TENM1: variants seen among roughly 807,000 people sequenced by gnomAD.
TENM1 encodes teneurin transmembrane protein 1, also known as teneurin-1.
A neutral mutation model predicts 174.8 loss-of-function variants in TENM1; 35 were observed. The ratio of observed to expected loss-of-function variants is 0.20; its 90% confidence interval spans 0.15 to 0.27. The LOEUF (loss-of-function observed/expected upper bound fraction) is 0.27, where lower values mean the gene tolerates loss of function less well. TENM1 is among the 10% of genes least tolerant of loss of function. The pLI is 1.00. For missense variants in TENM1, 1,633 were observed against 2,130.1 expected (o/e 0.77, Z 4.59); for synonymous variants, 781 against 798.7 (o/e 0.98, Z 0.37).
chrX:124,713,345 T>G (rs1389738637), intron 4 of TENM1, among the ~76,000 whole-genome samples: 1 of 110,669 alleles, frequency 9.0e-6, no homozygotes, highest in African/African-American at 3.3e-5. Context: ...CTCGGCTCAC[T>G]GCAACCTCCG....
At chrX:124,902,376 CAG>C (rs763395495) in intron 1 of TENM1, among the ~76,000 whole-genome samples, 63 of 112,113 alleles carry the variant, frequency 5.6e-4, no homozygotes, top group African/African-American at 2.0e-3. Context: ...GATAGAGAAA[CAG>C]AGAATCTACA....
intron 22 of TENM1, among the ~76,000 whole-genome samples, chrX:124,477,142 T>A (rs756204539): frequency 9.0e-6 from 1 of 110,790 alleles, no homozygotes; most frequent in South Asian, 3.7e-4. Flanking sequence ...TCAAGAAATT[T>A]AATAAAATGA....
At chrX:124,714,190 T>C (rs1303564077) in intron 4 of TENM1, among the ~76,000 whole-genome samples, 1 of 111,409 alleles carries the variant, frequency 9.0e-6, no homozygotes, top group Non-Finnish European at 1.9e-5. Flanking sequence ...GGTCAGATAA[T>C]AGGATTAGAT....
At chrX:124,381,970 A>G (rs1045658791) in intron 31 of TENM1, among the ~76,000 whole-genome samples, 3 of 111,565 alleles carry the variant, frequency 2.7e-5, no homozygotes, top group African/African-American at 9.8e-5. Context: ...TATAGGACCT[A>G]TCTAGAACTT....
At chrX:124,511,389 A>G (rs1179939833) in intron 18 of TENM1, among the ~76,000 whole-genome samples, 1 of 111,790 alleles carries the variant, frequency 8.9e-6, no homozygotes, top group Middle Eastern at 4.2e-3. Context: ...ATGAAAGATT[A>G]TTATCTCTGC....
the TENM1 span, among the ~76,000 whole-genome samples, chrX:125,067,851 T>C: frequency 1.8e-5 from 2 of 112,203 alleles, no homozygotes; most frequent in Non-Finnish European, 1.9e-5. Context: ...CCTTCTTTTT[T>C]TGAGAGAATA....
chrX:124,502,912 T>C (rs1316828014), intron 19 of TENM1, among the ~76,000 whole-genome samples: 3 of 111,702 alleles, frequency 2.7e-5, no homozygotes, highest in Non-Finnish European at 5.6e-5. Flanking sequence ...GGTGTGATTA[T>C]AAAATGGATC....
intron 23 of TENM1, among the ~76,000 whole-genome samples, chrX:124,452,024 G>A (rs2061043572): frequency 8.9e-6 from 1 of 112,040 alleles, no homozygotes; most frequent in Non-Finnish European, 1.9e-5. Context: ...TGACAAATGG[G>A]ATCTAATTAA....
At position 124,548,017 on chromosome X, in the gene TENM1, T is replaced by C. The variant is rs923356859; in HGVS notation, c.2435-927A>G. On this transcript the variant is annotated intron_variant, in intron 14 of 31. Coordinates refer to ENST00000422452, the Ensembl canonical transcript of TENM1. The stretch of plus-strand genomic sequence containing the variant: ...ACACCCGGCTAATTTTTTGTATTTT[T>C]AGTAGAGACGGGGTTTCACCGTGTT... Among the ~76,000 whole-genome samples, 3 of 111,219 alleles carry C rather than the reference T, an allele frequency of 2.7e-5. 1 individual carries two copies. In the Admixed American group the frequency reaches 2.8e-4, roughly 11 times the overall value.
chrX:125,152,724 G>A, the TENM1 span, among the ~76,000 whole-genome samples: 1,705 of 112,370 alleles, frequency 0.015, 12 homozygotes, highest in Non-Finnish European at 0.024. Context: ...TGATGTTATT[G>A]AAGAGGGCAA....
intron 3 of TENM1, among the ~76,000 whole-genome samples, chrX:124,811,660 T>C (rs1179372254): frequency 1.8e-5 from 2 of 111,475 alleles, no homozygotes; most frequent in Non-Finnish European, 3.8e-5. Context: ...AATCCCACTA[T>C]GGGGTATATA....
chrX:124,966,477 A>T (rs1166971562), upstream of TENM1, among the ~76,000 whole-genome samples: 2 of 109,904 alleles, frequency 1.8e-5, no homozygotes, highest in African/African-American at 6.7e-5. Context: ...CCTGGCTAAC[A>T]CGGTGAAACC....
At chrX:124,959,984 C>T (rs1185859939) in intron 1 of TENM1, among the ~76,000 whole-genome samples, 35 of 111,982 alleles carry the variant, frequency 3.1e-4, no homozygotes, top group Non-Finnish European at 1.7e-4. Context: ...TTTCCAGTTG[C>T]AATCAATCTT....
intron 6 of TENM1, among the ~76,000 whole-genome samples, chrX:124,670,162 T>G (rs1459303620): frequency 1.8e-5 from 2 of 111,943 alleles, no homozygotes; most frequent in Non-Finnish European, 3.8e-5. Context: ...TCAACTTACT[T>G]TATGGAAAGG....
intron 11 of TENM1, among the ~76,000 whole-genome samples, chrX:124,578,959 C>G (rs1314648255): frequency 8.9e-6 from 1 of 112,251 alleles, no homozygotes; most frequent in Non-Finnish European, 1.9e-5. Flanking sequence ...TGTCCATCTT[C>G]TTTCACCAAT....
intron 15 of TENM1, among the ~76,000 whole-genome samples, chrX:124,538,995 C>A (rs905672253): frequency 9.0e-6 from 1 of 111,633 alleles, no homozygotes; most frequent in African/African-American, 3.3e-5. Flanking sequence ...ATTTCTCTTT[C>A]CAGGTCCTAG....
chrX:124,554,051 G>T lies in TENM1; in HGVS notation c.2435-6961C>A, dbSNP rs190564442. The stretch of plus-strand genomic sequence containing the variant: ...TTGAAACCAGGAGGTGGAGGTTGCA[G>T]TGAGCCGAGATTGCACCACTGCACT... On this transcript the variant is annotated intron_variant, in intron 14 of 31. Coordinates refer to ENST00000422452, the Ensembl canonical transcript of TENM1. 3.6e-3 allele frequency among the ~76,000 whole-genome samples: 399 copies of T among 111,630 alleles called. 4 individuals carry two copies. Among genetic ancestry groups the T allele is most frequent in the African/African-American group, 0.012 (378 of 30,724 alleles).
chrX:125,128,267 GCA>G, the TENM1 span, among the ~76,000 whole-genome samples: 1 of 111,746 alleles, frequency 8.9e-6, no homozygotes, highest in African/African-American at 3.3e-5. Context: ...AGAAAGAAGA[GCA>G]CAGTGATTAA....
chrX:124,686,250 G>A (rs1439276572), intron 5 of TENM1, among the ~76,000 whole-genome samples: 9 of 111,290 alleles, frequency 8.1e-5, no homozygotes, highest in Non-Finnish European at 1.1e-4. Flanking sequence ...ATTATAACTG[G>A]CAAAGCTGTT....
Sources: allele counts gnomAD v4.1 joint callset (sites outside exome capture counted in the v4.1 genomes callset), GRCh38; gene constraint gnomAD v4.1.1; transcripts MANE v1.5; gene names NCBI Gene and HGNC (gene_info 2026-07-23, HGNC 2026-07-21).